Variants in RUVBL2 observed in about 807,000 individuals in gnomAD.
The protein encoded by RUVBL2 is ruvB-like 2.
RUVBL2 carries 9 observed loss-of-function variants against 57.9 expected under a neutral mutation model. The ratio of observed to expected loss-of-function variants is 0.16; its 90% confidence interval spans 0.09 to 0.27. The LOEUF is 0.27. Among genes scored for constraint, RUVBL2 ranks in the 10% least tolerant of loss-of-function variants. The pLI, the probability that RUVBL2 is intolerant of heterozygous loss-of-function variation, is 1.00. For missense variants in RUVBL2, 456 were observed against 669.6 expected, an observed-to-expected ratio of 0.68 and a Z score of 3.52; for synonymous variants, 278 against 264.6, an observed-to-expected ratio of 1.05 and a Z score of -0.49.
intron 2 of RUVBL2, among the ~76,000 whole-genome samples, chr19:49,002,031 A>G (rs544842946): frequency 2.4e-4 from 36 of 151,460 alleles, no homozygotes; most frequent in African/African-American, 8.2e-4. Flanking sequence ...TTCCAATACA[A>G]AGATTTTTTG....
intron 8 of RUVBL2, 21 bp from the exon 9 acceptor site, chr19:49,010,467 T>TGGGGGGGGCCCG: frequency 7.1e-7 from 1 of 1,401,208 alleles, no homozygotes; most frequent in Non-Finnish European, 9.9e-7. Context: ...CCGCCGTTCT[T>TGGGGGGGGCCCG]CCCCCACCCC....
Position 49,010,075 on chromosome 19 carries a change from G to A in RUVBL2, c.663+9G>A, listed in dbSNP as rs770130784. 1.7e-5 allele frequency: 27 copies of A among 1,604,832 alleles called. No individual in the cohort carries two copies. The highest frequency in any genetic ancestry group is 1.3e-4 in the East Asian group (6 of 44,816). ...ACGCTATGGGCTCCCAGGTGCGGCC[G>A]GGACTCCCGGGATCCCCTCGCCCCC... On this transcript the variant is annotated intron_variant, in intron 8 of 14. Transcript: ENST00000595090.
At chr19:49,013,837 C>T (rs1568643345) in intron 11 of RUVBL2, among the ~76,000 whole-genome samples, 1 of 152,216 alleles carries the variant, frequency 6.6e-6, no homozygotes, top group East Asian at 1.9e-4. Context: ...TCGGTTGAAC[C>T]CGGGAGGCGG....
In RUVBL2 at chr19:49,010,253, G is replaced by A. The variant is rs566009625; in HGVS notation, c.663+187G>A. 212 of 695,302 alleles carry A rather than the reference G, an allele frequency of 3.0e-4. 1 individual carries two copies. Among genetic ancestry groups the A allele is most frequent in the Non-Finnish European group, 4.1e-4 (169 of 413,326 alleles). The allele number at this position is 695,302 out of a possible 1,614,324, so 43.1% of individuals were successfully genotyped here. A position where few individuals can be genotyped will look rare whatever the true frequency, so the allele number is the denominator to read the frequency against. The stretch of plus-strand genomic sequence containing the variant: ...CAGCCTGGCACTATAGCTTCGCATG[G>A]CCACATGTGGCCTGTGGCTTCTAAG... On this transcript the variant is annotated intron_variant, in intron 8 of 14. Coordinates refer to ENST00000595090, the MANE Select transcript of RUVBL2 (RefSeq NM_006666.3).
intron 2 of RUVBL2, among the ~76,000 whole-genome samples, chr19:49,000,120 G>A (rs2039149307): frequency 1.3e-5 from 2 of 152,236 alleles, no homozygotes; most frequent in South Asian, 2.1e-4. Flanking sequence ...TGTGGCCAGG[G>A]ACTAGTTCCT....
intron 4 of RUVBL2, among the ~76,000 whole-genome samples, chr19:49,005,640 A>G (rs74821465): frequency 8.3e-6 from 1 of 120,522 alleles, no homozygotes; most frequent in Non-Finnish European, 1.9e-5. Flanking sequence ...ACTCTTCTTC[A>G]TTTTTTTTTT....
rs75580952 is a variant in RUVBL2 at position 49,011,432 on chromosome 19, G to A, written c.1001+122G>A. ...GGAGGGACGCGTGACTGCAGTGTGC[G>A]CTCTTTGCTTACAAAAGGCGGGTGG... On this transcript the variant is annotated intron_variant, in intron 11 of 14. Transcript: ENST00000595090. This position sits in a 1 kb window ranked among gnomAD's most constrained non-coding sequence, Gnocchi z 4.4. 0.029 allele frequency: 21,548 copies of A among 744,458 alleles called. 385 individuals are homozygous for A. Among genetic ancestry groups the A allele is most frequent in the Non-Finnish European group, 0.038 (16,818 of 443,290 alleles). The allele number at this position is 744,458 out of a possible 1,614,324, so 46.1% of individuals were successfully genotyped here. A position where few individuals can be genotyped will look rare whatever the true frequency, so the allele number is the denominator to read the frequency against.
rs779604528 is a variant in RUVBL2, at chr19:49,015,157, C to T, written c.1251+7C>T. ...GGTGTGCCGGAAACGCAAGGTCAGCCGGCCGAATTAGCCAGCAGGGCCAGA... is the reference window on the plus strand; with the variant it reads ...GGTGTGCCGGAAACGCAAGGTCAGCTGGCCGAATTAGCCAGCAGGGCCAGA... On this transcript the variant is annotated splice_region_variant and intron_variant, in intron 13 of 14. Coordinates refer to ENST00000595090, the MANE Select transcript of RUVBL2 (RefSeq NM_006666.3). The T allele has an allele frequency of 1.3e-5, 21 of 1,604,642 alleles. No individual in the cohort carries two copies. The highest frequency in any genetic ancestry group is 1.5e-5 in the Non-Finnish European group (18 of 1,176,734).
chr19:49,015,037 G>T lies in RUVBL2; in HGVS notation c.1138G>T (p.Val380Leu). The T allele has an allele frequency of 6.2e-7, 1 of 1,604,792 alleles. No individual in the cohort carries two copies. Among genetic ancestry groups the T allele is most frequent in the Non-Finnish European group, 8.5e-7 (1 of 1,175,866 alleles). ...TGCTTGCAGGTGCGAGGAAGAAGAT[G>T]TGGAGATGAGTGAGGACGCCTACAC... ...ILRIRCEEED[V>L]EMSEDAYTVL... Residue 380 changes from valine to leucine, a missense_variant, in exon 13 of 15, where the codon GTG becomes TTG. Physicochemically the swap from Val to Leu is conservative, Grantham distance 32. Coordinates refer to ENST00000595090, the MANE Select transcript of RUVBL2 (RefSeq NM_006666.3).
intron 1 of RUVBL2, among the ~76,000 whole-genome samples, chr19:48,998,773 A>G (rs2039117545): frequency 6.6e-6 from 1 of 152,020 alleles, no homozygotes; most frequent in South Asian, 2.1e-4. Context: ...CACGCCCATA[A>G]TCCCAGCACT....
At chr19:49,002,060 T>G (rs1202310479) in intron 2 of RUVBL2, among the ~76,000 whole-genome samples, 1 of 151,600 alleles carries the variant, frequency 6.6e-6, no homozygotes, top group African/African-American at 2.4e-5. Context: ...TTTGTTGTTT[T>G]TTTTTTGAGA....
intron 6 of RUVBL2, among the ~76,000 whole-genome samples, chr19:49,008,909 G>A (rs778713984): frequency 1.3e-5 from 2 of 151,518 alleles, no homozygotes; most frequent in Non-Finnish European, 2.9e-5. Context: ...AATCTGGGAG[G>A]CAGAAGTTGC....
chr19:49,008,658 A>G (rs1275715383), intron 6 of RUVBL2, among the ~76,000 whole-genome samples: 1 of 151,858 alleles, frequency 6.6e-6, no homozygotes, highest in Non-Finnish European at 1.5e-5. Context: ...GAGCCTGACT[A>G]ACATGGTGAA....
chr19:49,010,391 G>A, intron 8 of RUVBL2, 97 bp from the exon 9 acceptor site: 1 of 1,227,320 alleles, frequency 8.1e-7, no homozygotes, highest in Non-Finnish European at 1.2e-6. Context: ...TCCATTTCCT[G>A]GAGCTCCAGT....
intron 6 of RUVBL2, among the ~76,000 whole-genome samples, chr19:49,009,150 G>A: frequency 2.3e-5 from 2 of 87,278 alleles, no homozygotes; most frequent in African/African-American, 9.3e-5. Context: ...GACAGAGCAA[G>A]ACTCTATCTC....
At position 49,015,967 on chromosome 19, in the gene RUVBL2, G is replaced by A; in HGVS notation, c.*125G>A. ...TGTGGTTGCCCTGAGCCCACAGAAA[G>A]ACACCTCCAGAGTGCGGATTGAGAA... is the stretch of plus-strand genomic sequence containing the variant. On this transcript the variant is annotated 3_prime_UTR_variant, in exon 15 of 15. Coordinates refer to ENST00000595090, the MANE Select transcript of RUVBL2 (RefSeq NM_006666.3). 1 of 1,614,232 alleles carries A rather than the reference G, an allele frequency of 6.2e-7. No homozygotes were observed. The highest frequency in any genetic ancestry group is 8.5e-7 in the Non-Finnish European group (1 of 1,180,046).
intron 13 of RUVBL2, 184 bp downstream of exon 13, chr19:49,015,334 T>TGACTTAA: frequency 1.3e-6 from 1 of 795,434 alleles, no homozygotes; most frequent in Non-Finnish European, 2.0e-6. Flanking sequence ...AAATCTCTCT[T>TGACTTAA]GACTTAAGTA....
rs755208112 is a variant in RUVBL2 at position 49,004,317 on chromosome 19, C to T, written c.164C>T (p.Ala55Val). Residue 55 changes from alanine to valine, a missense_variant, in exon 4 of 15, where the codon GCG becomes GTG. Physicochemically the swap from Ala to Val is moderately conservative, Grantham distance 64. This residue lies in a region of RUVBL2 where 233 missense variants were observed against 306.0 expected (regional missense o/e 0.76). Transcript: ENST00000595090. ...GMVGQLAARR[A>V]AGVVLEMIRE... is the part of the protein sequence containing the mutation. Reference sequence around the variant, plus strand: ...GTGGGTCAGCTGGCGGCACGGCGGGCGGCTGGCGTGGTGCTGGAGATGATC... The same window carrying T: ...GTGGGTCAGCTGGCGGCACGGCGGGTGGCTGGCGTGGTGCTGGAGATGATC... 7 of 1,607,344 alleles carry T rather than the reference C, an allele frequency of 4.4e-6. No homozygotes were observed. Among genetic ancestry groups the T allele is most frequent in the Non-Finnish European group, 5.9e-6 (7 of 1,179,190 alleles).
chr19:49,014,181 GTCCCC>G (rs2039493494), intron 11 of RUVBL2, among the ~76,000 whole-genome samples: 1 of 152,224 alleles, frequency 6.6e-6, no homozygotes, highest in Non-Finnish European at 1.5e-5. Context: ...GACAGGTGCA[GTCCCC>G]TCCTTTGTGA....
Sources: allele counts gnomAD v4.1 joint callset (sites outside exome capture counted in the v4.1 genomes callset), GRCh38; gene constraint gnomAD v4.1.1; regional missense constraint gnomAD v4.1.1; non-coding constraint Gnocchi (gnomAD v3.1); transcripts MANE v1.5; gene names NCBI Gene and HGNC (gene_info 2026-07-23, HGNC 2026-07-21).